UPF2: variants seen among roughly 807,000 people sequenced by gnomAD.
UPF2 encodes the protein regulator of nonsense transcripts 2.
In UPF2, 17 loss-of-function variants were observed where a neutral mutation model predicts 141.4. The observed-to-expected ratio is 0.12, with a 90% CI of 0.08 to 0.18. The LOEUF (loss-of-function observed/expected upper bound fraction) is 0.18, where lower values mean the gene tolerates loss of function less well. UPF2 is among the 10% of genes least tolerant of loss of function. UPF2 has a pLI of 1.00. For synonymous variants in UPF2, 540 were observed against 498.0 expected (o/e 1.08, Z -1.12); for missense variants, 1,152 against 1,515.9 (o/e 0.76, Z 3.99).
At chr10:11,981,996 G>A (rs528243531) in intron 8 of UPF2, among the ~76,000 whole-genome samples, 244 of 150,364 alleles carry the variant, frequency 1.6e-3, no homozygotes, top group African/African-American at 5.8e-3. Flanking sequence ...TATAAGTTAC[G>A]CTTATAAACA....
intron 10 of UPF2, among the ~76,000 whole-genome samples, chr10:11,965,144 C>T (rs1293741935): frequency 1.3e-5 from 2 of 152,122 alleles, no homozygotes; most frequent in African/African-American, 4.8e-5. Context: ...GTGGGACATA[C>T]ATCATTGTAG....
intron 15 of UPF2, among the ~76,000 whole-genome samples, chr10:11,951,709 G>T (rs1447370981): frequency 1.3e-5 from 2 of 152,134 alleles, no homozygotes; most frequent in Non-Finnish European, 2.9e-5. Context: ...AATAATGCCT[G>T]TTGAAAATAT....
chr10:11,938,869 T>TGTTTTTTTTTTTG (rs1564337885), intron 18 of UPF2, among the ~76,000 whole-genome samples: 3 of 104,748 alleles, frequency 2.9e-5, no homozygotes, highest in Non-Finnish European at 2.0e-5. Context: ...TTTTTTTTTT[T>TGTTTTTTTTTTTG]TTTTTTTTTT....
chr10:11,982,164 CAAAT>C (rs762549388), intron 8 of UPF2, among the ~76,000 whole-genome samples: 2 of 152,060 alleles, frequency 1.3e-5, no homozygotes, highest in African/African-American at 4.8e-5. Context: ...TCCATTTTAA[CAAAT>C]AAAGTATTCT....
At chr10:11,952,469 CTTTTT>C (rs869201076) in intron 14 of UPF2, among the ~76,000 whole-genome samples, 5 of 97,740 alleles carry the variant, frequency 5.1e-5, no homozygotes, top group South Asian at 4.4e-4. Context: ...TACTAAATAT[CTTTTT>C]TTTTTTTTTT....
chr10:11,938,435 C>T (rs1044648667), intron 18 of UPF2, among the ~76,000 whole-genome samples: 8 of 152,134 alleles, frequency 5.3e-5, no homozygotes, highest in Non-Finnish European at 7.4e-5. Context: ...CAAGCCCATT[C>T]GACAGGTTTA....
intron 4 of UPF2, among the ~76,000 whole-genome samples, chr10:12,008,629 CAAAAA>C (rs60750390): frequency 4.0e-5 from 3 of 74,950 alleles, no homozygotes; most frequent in African/African-American, 5.2e-5. Context: ...GACACCACCT[CAAAAA>C]AAAAAAAAAA....
At chr10:12,040,351 G>C (rs113923338) in intron 1 of UPF2, among the ~76,000 whole-genome samples, 1 of 152,152 alleles carries the variant, frequency 6.6e-6, no homozygotes, top group Non-Finnish European at 1.5e-5. Flanking sequence ...GAACCCGGGA[G>C]GCGGAGGTTG....
chr10:11,920,434 AG>A lies in UPF2; in HGVS notation c.*863del, dbSNP rs1264035875. ...AGAGACAGAGGCTGTAAACCCATGA[AG>A]GTCAACAAAATATTCTCATCCACTT... is the stretch of plus-strand genomic sequence containing the variant. On this transcript the variant is annotated 3_prime_UTR_variant, in exon 22 of 22. Coordinates refer to ENST00000357604, the MANE Select transcript of UPF2 (RefSeq NM_015542.4). 6.6e-6 allele frequency: 1 copy of A among 152,490 alleles called. No individual in the cohort carries two copies. The highest frequency in any genetic ancestry group is 1.9e-4 in the East Asian group (1 of 5,200). The allele number at this position is 152,490 out of a possible 1,614,324, so 9.4% of individuals were successfully genotyped here. A position where few individuals can be genotyped will look rare whatever the true frequency, so the allele number is the denominator to read the frequency against.
chr10:12,041,957 C>A (rs930780296), intron 1 of UPF2, among the ~76,000 whole-genome samples: 3 of 152,192 alleles, frequency 2.0e-5, no homozygotes, highest in African/African-American at 7.2e-5. Flanking sequence ...CTCTGCTCTG[C>A]CAACCTGGGG....
chr10:11,979,119 G>T lies in UPF2; in HGVS notation c.1891C>A (p.Pro631Thr). 6.2e-7 allele frequency: 1 copy of T among 1,613,430 alleles called. No individual in the cohort carries two copies. The highest frequency in any genetic ancestry group is 8.5e-7 in the Non-Finnish European group (1 of 1,179,598). Reference protein sequence around the residue: ...FYARLVATLHPCMSDVAEDLC... With the variant: ...FYARLVATLHTCMSDVAEDLC... The stretch of plus-strand genomic sequence containing the variant: ...TCCTCTGCTACATCAGACATGCAGG[G>T]ATGCAATGTAGCAACCAATCTTGCA... Residue 631 changes from proline (P) to threonine (T), a missense_variant, in exon 9 of 22, where the codon CCC becomes ACC. Pro to Thr is a conservative substitution (Grantham distance 38). Coordinates refer to ENST00000357604, the MANE Select transcript of UPF2 (RefSeq NM_015542.4). The surrounding 1 kb of genome is among the most constrained non-coding windows in gnomAD (Gnocchi z 6.2).
chr10:12,017,597 C>T (rs1011906939), intron 3 of UPF2, among the ~76,000 whole-genome samples: 1 of 152,172 alleles, frequency 6.6e-6, no homozygotes, highest in African/African-American at 2.4e-5. Context: ...CCCCTTAATT[C>T]CATGATCAAA....
At chr10:12,038,467 T>C (rs904385298) in intron 1 of UPF2, among the ~76,000 whole-genome samples, 1 of 143,372 alleles carries the variant, frequency 7.0e-6, no homozygotes, top group Non-Finnish European at 1.5e-5. Flanking sequence ...CATGGCTCAC[T>C]CCTGTAATCC....
chr10:11,938,865 T>TTTTTGTTTTTTTTTTTG (rs1832894879), intron 18 of UPF2, among the ~76,000 whole-genome samples: 8 of 87,412 alleles, frequency 9.2e-5, no homozygotes, highest in Admixed American at 1.7e-4. Flanking sequence ...TTTTTTTTTT[T>TTTTTGTTTTTTTTTTTG]TTTTTTTTTT....
intron 1 of UPF2, 172 bp from the exon 2 acceptor site, chr10:12,035,613 C>T: frequency 1.5e-6 from 1 of 673,296 alleles, no homozygotes; most frequent in East Asian, 3.3e-5. Context: ...CATCACATTC[C>T]ACATCCTATC....
At chr10:11,947,306 CTTAATAG>C (rs1169164834) in intron 16 of UPF2, among the ~76,000 whole-genome samples, 1 of 152,120 alleles carries the variant, frequency 6.6e-6, no homozygotes, top group Admixed American at 6.5e-5. Flanking sequence ...TATGGTTTAA[CTTAATAG>C]TCATAGATAC....
chr10:11,936,767 G>A lies in UPF2; in HGVS notation c.3379-55C>T, dbSNP rs1832856781. 2 of 1,469,858 alleles carry A rather than the reference G, an allele frequency of 1.4e-6. No homozygotes were observed. The highest frequency in any genetic ancestry group is 4.8e-5 in the Admixed American group (2 of 41,894). The allele number at this position is 1,469,858 out of a possible 1,614,324, so 91.1% of individuals were successfully genotyped here. Reference sequence around the variant, plus strand: ...CACTCCAAGATATATACGGATATATGTCAATATAAATTGCAAACTCATTCA... The same window carrying A: ...CACTCCAAGATATATACGGATATATATCAATATAAATTGCAAACTCATTCA... On this transcript the variant is annotated intron_variant, in intron 18 of 21. Transcript: ENST00000357604. This position sits in a 1 kb window ranked among gnomAD's most constrained non-coding sequence, Gnocchi z 6.6.
In UPF2 at chr10:11,955,422, G is replaced by C. The variant is rs947185309; in HGVS notation, c.2660C>G (p.Ala887Gly). The change falls in exon 14 of 22, where the codon GCT becomes GGT. Residue 887 changes from alanine (A) to glycine (G), a missense_variant. Around this residue, in one of 4 missense-constraint regions of UPF2, gnomAD observed 739 missense variants for 1,032.2 expected, o/e 0.72. Coordinates refer to ENST00000357604, the MANE Select transcript of UPF2 (RefSeq NM_015542.4). ...AGAATACAGAGTTCTGAAAATAACA[G>C]CTGATTCCACCATTCGGTAATTGTA... ...ELYNYRMVESAVIFRTLYSFT... is the reference protein window; with the variant it reads ...ELYNYRMVESGVIFRTLYSFT... The C allele has an allele frequency of 6.2e-7, 1 of 1,614,172 alleles. No individual in the cohort carries two copies. The highest frequency in any genetic ancestry group is 8.5e-7 in the Non-Finnish European group (1 of 1,180,022).
chr10:12,003,923 C>CAAAAAAA (rs34191709), intron 5 of UPF2, among the ~76,000 whole-genome samples: 16 of 81,536 alleles, frequency 2.0e-4, no homozygotes, highest in Non-Finnish European at 2.6e-4. Flanking sequence ...AACTCCGCCT[C>CAAAAAAA]AAAAAAAAAA....
Sources: gnomAD v4.1 joint callset for allele counts (sites outside exome capture counted in the v4.1 genomes callset) on GRCh38, gnomAD v4.1.1 for gene constraint, gnomAD v4.1.1 regional missense constraint, Gnocchi (gnomAD v3.1) non-coding constraint, MANE v1.5 for transcripts, NCBI Gene and HGNC (gene_info 2026-07-23, HGNC 2026-07-21) for gene names.